Variants in DTNBP1 observed in about 807,000 individuals in gnomAD.
DTNBP1 encodes dystrobrevin binding protein 1, also known as dysbindin.
Under a neutral mutation model 42.8 loss-of-function variants are expected in DTNBP1, and 35 were observed. The ratio of observed to expected loss-of-function variants is 0.82; its 90% CI spans 0.63 to 1.09. The LOEUF (loss-of-function observed/expected upper bound fraction) is 1.09. Among genes scored for constraint, DTNBP1 ranks in the 50% least tolerant of loss-of-function variants. DTNBP1 has a pLI of 0.00. For missense variants in DTNBP1, 457 were observed against 424.2 expected, an observed-to-expected ratio of 1.08 and a Z score of -0.68; for synonymous variants, 171 against 162.2, an observed-to-expected ratio of 1.05 and a Z score of -0.41.
At chr6:15,535,340 T>C (rs1277365952) in intron 7 of DTNBP1, among the ~76,000 whole-genome samples, 1 of 152,124 alleles carries the variant, frequency 6.6e-6, no homozygotes, top group Non-Finnish European at 1.5e-5. Context: ...AGACAGAGTC[T>C]TACTCTGTTC....
chr6:15,617,858 G>C (rs1420664580), intron 5 of DTNBP1, among the ~76,000 whole-genome samples: 1 of 151,856 alleles, frequency 6.6e-6, no homozygotes, highest in African/African-American at 2.4e-5. Context: ...AGCGACAAAA[G>C]CAAAAATAGA....
rs756393014 is a variant in DTNBP1, at chr6:15,523,147, G to A, written c.884C>T (p.Pro295Leu). 3 of 1,614,130 alleles carry A rather than the reference G, an allele frequency of 1.9e-6. No individual in the cohort carries two copies. The highest frequency in any genetic ancestry group is 2.5e-6 in the Non-Finnish European group (3 of 1,180,056). Residue 295 changes from proline (P) to leucine (L), a missense_variant, in exon 10 of 10, where the codon CCA becomes CTA. Physicochemically the swap from Pro to Leu is moderately conservative, Grantham distance 98. Transcript: ENST00000344537. ...VPNPSELRAK[P>L]PSSSSTCTDS... ...GGTGCAGGTGGAGGAAGAAGAAGGT[G>A]GCTTGGCTCTTAATTCTGAGGGATT... is the stretch of plus-strand genomic sequence containing the variant.
chr6:15,615,269 C>A lies in DTNBP1; in HGVS notation c.486G>T (p.Lys162Asn). Residue 162 changes from lysine (K) to asparagine (N), a missense_variant and splice_region_variant, in exon 6 of 10, where the codon AAG (lysine) becomes AAT (asparagine). Transcript: ENST00000344537. ...SQQLENYKKN[K>N]RKELETFKAE... ...TGTGGCAAACTTTTCAAACTCACCT[C>A]TTATTTTTCTTGTAATTCTCCAGTT... The A allele has an allele frequency of 1.2e-6, 2 of 1,614,152 alleles. No individual in the cohort carries two copies. Among genetic ancestry groups the A allele is most frequent in the Non-Finnish European group, 1.7e-6 (2 of 1,180,016 alleles).
chr6:15,544,588 T>C (rs1773766953), intron 7 of DTNBP1, among the ~76,000 whole-genome samples: 1 of 152,210 alleles, frequency 6.6e-6, no homozygotes, highest in Non-Finnish European at 1.5e-5. Context: ...ACTTACTAAT[T>C]GTAACACAGG....
intron 8 of DTNBP1, among the ~76,000 whole-genome samples, chr6:15,530,669 G>A (rs866678144): frequency 4.6e-5 from 7 of 152,032 alleles, no homozygotes; most frequent in African/African-American, 1.4e-4. Flanking sequence ...TCATCCTCTC[G>A]GGGGTGCATC....
At chr6:15,653,739 CA>C (rs1371508196) in intron 1 of DTNBP1, among the ~76,000 whole-genome samples, 1 of 152,196 alleles carries the variant, frequency 6.6e-6, no homozygotes, top group East Asian at 1.9e-4. Context: ...ATCACTTCAA[CA>C]AGTACTCATT....
chr6:15,659,531 T>G (rs1221329720), intron 1 of DTNBP1, among the ~76,000 whole-genome samples: 1 of 150,686 alleles, frequency 6.6e-6, no homozygotes, highest in Non-Finnish European at 1.5e-5. Context: ...TTTTTCTTTC[T>G]TTTTTAAGAG....
chr6:15,592,137 A>AT (rs1176836865), intron 7 of DTNBP1, among the ~76,000 whole-genome samples: 1 of 152,188 alleles, frequency 6.6e-6, no homozygotes, highest in African/African-American at 2.4e-5. Context: ...AGAATTTGTC[A>AT]TTTTTTCTAA....
chr6:15,662,665 G>T, intron 1 of DTNBP1, 149 bp downstream of exon 1: 1 of 1,210,546 alleles, frequency 8.3e-7, no homozygotes, highest in Non-Finnish European at 1.2e-6. Context: ...ACGCCGGGAA[G>T]TTCGTTACTT....
rs527455235 is a variant in DTNBP1 at position 15,567,574 on chromosome 6, A to T, written c.511+25485T>A. 9.1e-4 allele frequency among the ~76,000 whole-genome samples: 139 copies of T among 152,340 alleles called. 1 individual carries two copies. The highest frequency in any genetic ancestry group is 1.6e-3 in the Admixed American group (24 of 15,302). On this transcript the variant is annotated intron_variant, in intron 7 of 9. Transcript: ENST00000344537. ...CTCCTTCAACCAATTGCCAACCAGA[A>T]AATCGTACAATTCACGTATGACCTG...
intron 2 of DTNBP1, 48 bp from the exon 3 acceptor site, chr6:15,651,411 GAA>G (rs201022468): frequency 1.0e-3 from 1,311 of 1,257,482 alleles, no homozygotes; most frequent in Admixed American, 2.2e-3. Flanking sequence ...TTAGCCAACT[GAA>G]AAAAAAAAAA....
chr6:15,642,807 A>T (rs1291897877), intron 3 of DTNBP1, among the ~76,000 whole-genome samples: 4 of 152,180 alleles, frequency 2.6e-5, no homozygotes, highest in African/African-American at 9.7e-5. Context: ...CCCTTAAGGA[A>T]AAAAAAGTCA....
intron 6 of DTNBP1, among the ~76,000 whole-genome samples, chr6:15,604,322 C>T (rs1776848180): frequency 6.6e-6 from 1 of 152,214 alleles, no homozygotes; most frequent in Admixed American, 6.5e-5. Flanking sequence ...TCCTGCTCCC[C>T]TTTTCATTCA....
At chr6:15,597,559 G>T (rs1776563515) in intron 6 of DTNBP1, among the ~76,000 whole-genome samples, 1 of 152,180 alleles carries the variant, frequency 6.6e-6, no homozygotes, top group Non-Finnish European at 1.5e-5. Context: ...TTTCCAAGAA[G>T]ACTTCATTGA....
chr6:15,609,936 C>T (rs558567190), intron 6 of DTNBP1, among the ~76,000 whole-genome samples: 1 of 152,318 alleles, frequency 6.6e-6, no homozygotes, highest in Admixed American at 6.5e-5. Flanking sequence ...CAGATGAATG[C>T]TCCATTCTTC....
At chr6:15,649,023 G>A (rs556911118) in intron 3 of DTNBP1, among the ~76,000 whole-genome samples, 2 of 152,140 alleles carry the variant, frequency 1.3e-5, no homozygotes, top group African/African-American at 2.4e-5. Context: ...GAGCGTTGGT[G>A]AGGATAGGAA....
chr6:15,610,855 T>C (rs1758349414), intron 6 of DTNBP1, among the ~76,000 whole-genome samples: 1 of 152,210 alleles, frequency 6.6e-6, no homozygotes, highest in Non-Finnish European at 1.5e-5. Flanking sequence ...CAGAGGTTGG[T>C]TCATGGAATT....
At chr6:15,534,267 A>G (rs1773072428) in intron 7 of DTNBP1, among the ~76,000 whole-genome samples, 1 of 152,232 alleles carries the variant, frequency 6.6e-6, no homozygotes, top group Non-Finnish European at 1.5e-5. Flanking sequence ...GATGCACAGC[A>G]TGAATATATT....
intron 7 of DTNBP1, among the ~76,000 whole-genome samples, chr6:15,592,368 A>C (rs930471683): frequency 3.3e-5 from 5 of 152,338 alleles, no homozygotes; most frequent in African/African-American, 1.2e-4. Flanking sequence ...ATTGCTCATG[A>C]GTAATTAATT....
Sources: gnomAD v4.1 joint callset for allele counts (sites outside exome capture counted in the v4.1 genomes callset) on GRCh38, gnomAD v4.1.1 for gene constraint, MANE v1.5 for transcripts, NCBI Gene and HGNC (gene_info 2026-07-23, HGNC 2026-07-21) for gene names.